Variants in LRP3 observed in about 807,000 individuals in gnomAD.
The protein encoded by LRP3 is low-density lipoprotein receptor-related protein 3.
Under a neutral mutation model 58.5 loss-of-function variants are expected in LRP3, and 49 were observed. The ratio of observed to expected loss-of-function variants is 0.84; its 90% confidence interval spans 0.67 to 1.06. The LOEUF is 1.06. LRP3 is among the 50% of genes least tolerant of loss of function. The pLI is 0.00. For missense variants in LRP3, 1,019 were observed against 1,134.2 expected, an observed-to-expected ratio of 0.90 and a Z score of 1.46; for synonymous variants, 485 against 492.2, an observed-to-expected ratio of 0.99 and a Z score of 0.20.
intron 2 of LRP3, 92 bp downstream of exon 2, chr19:33,196,869 C>A: frequency 8.5e-7 from 1 of 1,176,366 alleles, no homozygotes; most frequent in Non-Finnish European, 1.3e-6. Context: ...CTGGCACTAC[C>A]CCGAGTTCCT....
chr19:33,207,199 C>G lies in LRP3; in HGVS notation c.1937C>G (p.Ala646Gly), dbSNP rs746165158. ...GDGFLQPAPG[A>G]APDPPAPLMD... ...GGCTTCCTCCAGCCTGCTCCAGGGG[C>G]TGCCCCCGACCCCCCAGCACCGCTC... Residue 646 changes from alanine to glycine, a missense_variant, in exon 7 of 7, where the codon GCT becomes GGT. By Grantham distance (60) the Ala-to-Gly change is moderately conservative (BLOSUM62 0). Around this residue, in one of 2 missense-constraint regions of LRP3, gnomAD observed 427 missense variants for 408.6 expected, o/e 1.04. Transcript: ENST00000253193. 1 of 1,552,964 alleles carries G rather than the reference C, an allele frequency of 6.4e-7. No homozygotes were observed. The highest frequency in any genetic ancestry group is 1.9e-5 in the Admixed American group (1 of 51,758).
At chr19:33,199,085 A>G (rs561739265) in intron 2 of LRP3, among the ~76,000 whole-genome samples, 54 of 152,264 alleles carry the variant, frequency 3.5e-4, no homozygotes, top group Non-Finnish European at 4.7e-4. Context: ...GGTCACCTCC[A>G]GCTGAAGCTC....
At position 33,199,963 on chromosome 19, in the gene LRP3, G is replaced by C. The variant is rs560054841; in HGVS notation, c.122-2885G>C. ...CTGTCCCCTAGGGGAGGCCTCTGGG[G>C]CTGAGTAGGAATGGACAGCGCCTTG... is the stretch of plus-strand genomic sequence containing the variant. On this transcript the variant is annotated intron_variant, in intron 2 of 6. Transcript: ENST00000253193. Among the ~76,000 whole-genome samples, 60 of 152,342 alleles carry C rather than the reference G, an allele frequency of 3.9e-4. No individual in the cohort carries two copies. In the Middle Eastern group the frequency reaches 0.02, roughly 52 times the overall value.
In LRP3 at chr19:33,204,564, C is replaced by T. The variant is rs1241832469; in HGVS notation, c.261-74C>T. ...GTCCTGGCCGTGGCTCCAGCCTGAC[C>T]ACTCCCTGCTGGTCCTCGGCCATGG... On this transcript the variant is annotated intron_variant, in intron 3 of 6. Transcript: ENST00000253193. 3.5e-5 allele frequency: 39 copies of T among 1,122,926 alleles called. 1 individual carries two copies. The highest frequency in any genetic ancestry group is 5.0e-5 in the Non-Finnish European group (38 of 762,002). The allele number at this position is 1,122,926 out of a possible 1,614,324, so 69.6% of individuals were successfully genotyped here.
At chr19:33,205,166 C>A in intron 4 of LRP3, 80 bp from the exon 5 acceptor site, 3 of 1,476,204 alleles carry the variant, frequency 2.0e-6, no homozygotes, top group Non-Finnish European at 2.8e-6. Flanking sequence ...ACCACCTGCC[C>A]GCTTTTGGCC....
rs550398848 is a variant in LRP3, at chr19:33,205,588, C to T, written c.818C>T (p.Ala273Val). The change falls in exon 5 of 7, where the codon GCC becomes GTC. Residue 273 changes from alanine (A) to valine (V), a missense_variant. By Grantham distance (64) the Ala-to-Val change is moderately conservative. Transcript: ENST00000253193. ...TTTGCCTCCCCAGACCTGTTCGGCG[C>T]CGCTCGCGGGCCCTCAGACCTTCAC... ...GSFASPDLFG[A>V]ARGPSDLHCT... 1.2e-4 allele frequency: 188 copies of T among 1,609,980 alleles called. 1 individual carries two copies. The East Asian group carries it at 4.1e-3, about 35-fold the overall frequency.
Position 33,197,965 on chromosome 19 carries a change from G to A in LRP3, c.121+1188G>A, listed in dbSNP as rs3786930. Reference sequence around the variant, plus strand: ...GGCTCAAGGCCGGGCCTTGCTCAGCGCTGACCTAGCCCCAGCCCTGTCTGC... The same window carrying A: ...GGCTCAAGGCCGGGCCTTGCTCAGCACTGACCTAGCCCCAGCCCTGTCTGC... On this transcript the variant is annotated intron_variant, in intron 2 of 6. Coordinates refer to ENST00000253193, the MANE Select transcript of LRP3 (RefSeq NM_002333.4). Among the ~76,000 whole-genome samples, 89 of 152,302 alleles carry A rather than the reference G, an allele frequency of 5.8e-4. No homozygotes were observed. The East Asian group carries it at 0.016, about 27-fold the overall frequency.
intron 3 of LRP3, 73 bp downstream of exon 3, chr19:33,203,059 T>A: frequency 1.3e-6 from 2 of 1,534,972 alleles, no homozygotes; most frequent in Non-Finnish European, 1.8e-6. Flanking sequence ...AATGTGTGTG[T>A]GTGAGCAGGT....
Position 33,198,657 on chromosome 19 carries a change from C to T in LRP3, c.121+1880C>T, listed in dbSNP as rs1373748417. Among the ~76,000 whole-genome samples the T allele has an allele frequency of 2.6e-5, 4 of 152,216 alleles. 1 individual carries two copies. The highest frequency in any genetic ancestry group is 4.8e-5 in the African/African-American group (2 of 41,456). Reference sequence around the variant, plus strand: ...GGGGACCTCACAGGTTTTTACCCCTCAGCAAACCCCATCCTAAGCCCAGGT... The same window carrying T: ...GGGGACCTCACAGGTTTTTACCCCTTAGCAAACCCCATCCTAAGCCCAGGT... On this transcript the variant is annotated intron_variant, in intron 2 of 6. Coordinates refer to ENST00000253193, the MANE Select transcript of LRP3 (RefSeq NM_002333.4).
chr19:33,198,613 G>C (rs533471790), intron 2 of LRP3, among the ~76,000 whole-genome samples: 1 of 152,296 alleles, frequency 6.6e-6, no homozygotes, highest in East Asian at 1.9e-4. Context: ...TTGCTCCAGA[G>C]GGTCTAGCAG....
chr19:33,195,237 C>G (rs1974273849), intron 1 of LRP3, among the ~76,000 whole-genome samples: 1 of 152,172 alleles, frequency 6.6e-6, no homozygotes, highest in Non-Finnish European at 1.5e-5. Flanking sequence ...GTTTCCGGCC[C>G]GGAGTTGGGG....
chr19:33,204,643 G>T lies in LRP3; in HGVS notation c.266G>T (p.Arg89Leu). The T allele has an allele frequency of 6.2e-7, 1 of 1,603,872 alleles. No individual in the cohort carries two copies. Among genetic ancestry groups the T allele is most frequent in the Non-Finnish European group, 8.5e-7 (1 of 1,177,968 alleles). Residue 89 changes from arginine (R) to leucine (L), a missense_variant, in exon 4 of 7, where the codon CGC becomes CTC. Coordinates refer to ENST00000253193, the MANE Select transcript of LRP3 (RefSeq NM_002333.4). ...DRGDMITISF[R>L]NFDVEESHQC... ...TCCTCTCCGCCCCCCCGCAGCTTCC[G>T]CAACTTTGACGTGGAGGAGTCCCAC...
intron 2 of LRP3, among the ~76,000 whole-genome samples, chr19:33,201,560 G>T (rs1328765965): frequency 6.6e-6 from 1 of 152,186 alleles, no homozygotes; most frequent in East Asian, 1.9e-4. Context: ...AGAGAGTCTT[G>T]CTGAGAACCA....
At position 33,206,206 on chromosome 19, in the gene LRP3, A is replaced by C; in HGVS notation, c.1436A>C (p.Asp479Ala). ...FETWRCDGQEDCQDGSDEHGC... is the reference protein window; with the variant it reads ...FETWRCDGQEACQDGSDEHGC... ...ACGTGGCGCTGTGACGGCCAGGAAG[A>C]CTGCCAGGACGGCAGCGATGAGCAT... The change falls in exon 5 of 7, where the codon GAC becomes GCC. Residue 479 changes from aspartate (D) to alanine (A), a missense_variant. Around this residue, in one of 2 missense-constraint regions of LRP3, gnomAD observed 592 missense variants for 725.5 expected, o/e 0.82. Transcript: ENST00000253193. 1 of 1,594,900 alleles carries C rather than the reference A, an allele frequency of 6.3e-7. No individual in the cohort carries two copies.
chr19:33,205,375 C>G lies in LRP3; in HGVS notation c.605C>G (p.Ala202Gly), dbSNP rs200944735. The G allele has an allele frequency of 6.9e-6, 11 of 1,597,416 alleles. No individual in the cohort carries two copies. The highest frequency in any genetic ancestry group is 9.4e-6 in the Non-Finnish European group (11 of 1,170,398). ...GDGSDEGNCS[A>G]PASEPPGSLC... is the part of the protein sequence containing the mutation. ...GGCTCTGATGAGGGCAACTGCTCGG[C>G]GCCCGCCTCCGAGCCTCCAGGCAGC... Residue 202 changes from alanine to glycine, a missense_variant, in exon 5 of 7, where the codon GCG (alanine) becomes GGG (glycine). Ala to Gly is a moderately conservative substitution (Grantham distance 60). Coordinates refer to ENST00000253193, the MANE Select transcript of LRP3 (RefSeq NM_002333.4).
chr19:33,204,808 C>T lies in LRP3; in HGVS notation c.431C>T (p.Ser144Phe), dbSNP rs746327632. 1.9e-6 allele frequency: 3 copies of T among 1,613,612 alleles called. No individual in the cohort carries two copies. Among genetic ancestry groups the T allele is most frequent in the South Asian group, 1.1e-5 (1 of 91,082 alleles). Residue 144 changes from serine (S) to phenylalanine (F), a missense_variant, in exon 4 of 7, where the codon TCC becomes TTC. Coordinates refer to ENST00000253193, the MANE Select transcript of LRP3 (RefSeq NM_002333.4). ...HVWIFFHSDA[S>F]SSGQAQGFRL... ...TGGATTTTCTTCCACTCAGACGCCT[C>T]CAGCTCCGGCCAGGCCCAGGGCTTC...
rs140237412 is a variant in LRP3 at position 33,196,483 on chromosome 19, G to A, written c.74-247G>A. On this transcript the variant is annotated intron_variant, in intron 1 of 6. Transcript: ENST00000253193. ...TCAGGTGGGAGGATTGCTTGAGCTC[G>A]GGAGTTTGAAGCTGCAGTGAGCTAT... 5.9e-4 allele frequency among the ~76,000 whole-genome samples: 90 copies of A among 152,316 alleles called. No individual in the cohort carries two copies. The East Asian group carries it at 0.01, about 18-fold the overall frequency.
chr19:33,203,196 G>T (rs1470186607), intron 3 of LRP3, among the ~76,000 whole-genome samples: 3 of 152,100 alleles, frequency 2.0e-5, no homozygotes, highest in Non-Finnish European at 4.4e-5. Context: ...GTGTGCATGT[G>T]TGTGAGCATT....
chr19:33,202,281 G>A (rs1974349051), intron 2 of LRP3, among the ~76,000 whole-genome samples: 1 of 152,232 alleles, frequency 6.6e-6, no homozygotes, highest in African/African-American at 2.4e-5. Flanking sequence ...CCACTGAGGG[G>A]TTCTGCGTAA....
Sources: gnomAD v4.1 joint callset for allele counts (sites outside exome capture counted in the v4.1 genomes callset) on GRCh38, gnomAD v4.1.1 for gene constraint, gnomAD v4.1.1 regional missense constraint, MANE v1.5 for transcripts, NCBI Gene and HGNC (gene_info 2026-07-23, HGNC 2026-07-21) for gene names.